The following CDC42BPB variants were observed in gnomAD, a reference collection of about 807,000 sequenced individuals.
CDC42BPB encodes the protein serine/threonine-protein kinase MRCK beta.
Under a neutral mutation model 214.9 loss-of-function variants are expected in CDC42BPB, and 37 were observed. The observed-to-expected ratio is 0.17, with a 90% CI of 0.13 to 0.23. The LOEUF (loss-of-function observed/expected upper bound fraction) is 0.23. CDC42BPB is among the 10% of genes least tolerant of loss of function. The probability of loss-of-function intolerance (pLI) is 1.00; values close to 1 mark genes in which losing one functional copy is unlikely to be tolerated. For synonymous variants in CDC42BPB, 931 were observed against 884.0 expected, an observed-to-expected ratio of 1.05 and a Z score of -0.94; for missense variants, 1,694 against 2,227.0, an observed-to-expected ratio of 0.76 and a Z score of 4.82.
In CDC42BPB at chr14:103,004,558, C is replaced by T. The variant is rs1895143573; in HGVS notation, c.352-535G>A. On this transcript the variant is annotated intron_variant, in intron 3 of 36. Coordinates refer to ENST00000361246, the MANE Select transcript of CDC42BPB (RefSeq NM_006035.4). This position sits in a 1 kb window ranked among gnomAD's most constrained non-coding sequence, Gnocchi z 5.3. The stretch of plus-strand genomic sequence containing the variant: ...GCAGCACAGGGCAAGAGGCTGCCCT[C>T]TACCCTGCTACGTCTTCCAAAAGAG... Among the ~76,000 whole-genome samples the T allele has an allele frequency of 6.6e-6, 1 of 152,228 alleles. No individual in the cohort carries two copies. The highest frequency in any genetic ancestry group is 2.4e-5 in the African/African-American group (1 of 41,464).
chr14:103,002,513 C>T (rs1445404564), intron 4 of CDC42BPB, among the ~76,000 whole-genome samples: 2 of 152,312 alleles, frequency 1.3e-5, no homozygotes, highest in African/African-American at 2.4e-5. Context: ...ATCCCAGTTG[C>T]CTGTACTCCC....
chr14:102,994,215 C>T (rs1595119693), intron 5 of CDC42BPB, among the ~76,000 whole-genome samples: 1 of 152,218 alleles, frequency 6.6e-6, no homozygotes, highest in African/African-American at 2.4e-5. Flanking sequence ...CCAGGGGCCA[C>T]CCCAGGACCA....
In CDC42BPB at chr14:102,939,866, A is replaced by C; in HGVS notation, c.4673T>G (p.Phe1558Cys). ...CAGTCTCTCTTCCTCTGGGACCTTG[A>C]AGACGAACCGCCTTTTGCTCCTGGT... ...LRTRSKRRFVFKVPEEERLQQ... is the reference protein window; with the variant it reads ...LRTRSKRRFVCKVPEEERLQQ... Residue 1558 changes from phenylalanine to cysteine, a missense_variant, in exon 33 of 37, where the codon TTC (phenylalanine) becomes TGC (cysteine). Transcript: ENST00000361246. 6.2e-7 allele frequency: 1 copy of C among 1,614,008 alleles called. No homozygotes were observed. The highest frequency in any genetic ancestry group is 1.7e-5 in the Admixed American group (1 of 60,020).
rs1390941966 is a variant in CDC42BPB, at chr14:103,004,740, G to A, written c.352-717C>T. 6.6e-6 allele frequency among the ~76,000 whole-genome samples: 1 copy of A among 152,112 alleles called. No individual in the cohort carries two copies. Among genetic ancestry groups the A allele is most frequent in the Non-Finnish European group, 1.5e-5 (1 of 68,012 alleles). On this transcript the variant is annotated intron_variant, in intron 3 of 36. Transcript: ENST00000361246. This position sits in a 1 kb window ranked among gnomAD's most constrained non-coding sequence, Gnocchi z 5.3. ...AAAAACTAGCCAGGTGTGGTGGCAG[G>A]TGCCTGTAATCCCAGCTACATGGGA... is the stretch of plus-strand genomic sequence containing the variant.
intron 3 of CDC42BPB, among the ~76,000 whole-genome samples, chr14:103,005,549 G>T (rs1049041088): frequency 6.6e-6 from 1 of 151,614 alleles, no homozygotes. Context: ...CTCTACAAAA[G>T]AATCTTAAAA....
At chr14:102,950,004 C>T (rs538432783) in intron 25 of CDC42BPB, 100 bp from the exon 26 acceptor site, 16 of 1,555,498 alleles carry the variant, frequency 1.0e-5, no homozygotes, top group South Asian at 3.6e-5. Flanking sequence ...GCCAGGCTGG[C>T]GGCAGAGCTG....
intron 1 of CDC42BPB, among the ~76,000 whole-genome samples, chr14:103,039,428 C>T (rs1181653077): frequency 2.0e-5 from 3 of 151,900 alleles, no homozygotes; most frequent in Non-Finnish European, 4.4e-5. Flanking sequence ...AATTATATAC[C>T]ATGATCAAGT....
In CDC42BPB at chr14:102,946,555, G is replaced by A. The variant is rs1892187046; in HGVS notation, c.3661C>T (p.Leu1221=). The A allele has an allele frequency of 6.2e-7, 1 of 1,612,678 alleles. No individual in the cohort carries two copies. Among genetic ancestry groups the A allele is most frequent in the African/African-American group, 1.3e-5 (1 of 74,934 alleles). Reference sequence around the variant, plus strand: ...GGAACATGCACGACCTGATTCCTCAGCCGGTTTTTATGAAGGATGGACTGG... The same window carrying A: ...GGAACATGCACGACCTGATTCCTCAACCGGTTTTTATGAAGGATGGACTGG... ...GLQSILHKNR[L]RNQVVHVPLE... Residue 1221 remains leucine, a synonymous_variant, in exon 28 of 37, where the codon CTG becomes TTG. Transcript: ENST00000361246.
rs906260367 is a variant in CDC42BPB, at chr14:103,004,632, G to A, written c.352-609C>T. Among the ~76,000 whole-genome samples the A allele has an allele frequency of 2.6e-5, 4 of 152,132 alleles. No individual in the cohort carries two copies. The highest frequency in any genetic ancestry group is 1.3e-4 in the Admixed American group (2 of 15,272). ...CGTTTAAAAGTCACCAGGCCTGGCC[G>A]AGCACGGTGGCTCACACCTGAGGTC... On this transcript the variant is annotated intron_variant, in intron 3 of 36. Transcript: ENST00000361246. The surrounding 1 kb of genome is among the most constrained non-coding windows in gnomAD (Gnocchi z 5.3).
rs1318394650 is a variant in CDC42BPB, at chr14:103,033,588, AT to A, written c.176-21401del. ...TTAAACTTTGAAATTTGAATAGGAAATATTACCAATTACTATCACTTTTATT... is the reference window on the plus strand; with the variant it reads ...TTAAACTTTGAAATTTGAATAGGAAAATTACCAATTACTATCACTTTTATT... On this transcript the variant is annotated intron_variant, in intron 1 of 36. Transcript: ENST00000361246. 2.0e-5 allele frequency among the ~76,000 whole-genome samples: 3 copies of A among 152,186 alleles called. No homozygotes were observed. The East Asian group carries it at 5.8e-4, about 29-fold the overall frequency.
chr14:102,966,907 G>A lies in CDC42BPB; in HGVS notation c.2471+139C>T, dbSNP rs1595475170. 4 of 961,908 alleles carry A rather than the reference G, an allele frequency of 4.2e-6. No individual in the cohort carries two copies. The South Asian group carries it at 5.2e-5, about 12-fold the overall frequency. 59.6% of individuals were successfully genotyped at this position (961,908 alleles called of 1,614,324 possible). On this transcript the variant is annotated intron_variant, in intron 17 of 36. Coordinates refer to ENST00000361246, the MANE Select transcript of CDC42BPB (RefSeq NM_006035.4). ...CTGCCCCAGACATGAGAAGTTCTGG[G>A]GAACAGCAGTGAGACCTGCACCCCA...
chr14:103,014,293 T>C (rs977362601), intron 1 of CDC42BPB, among the ~76,000 whole-genome samples: 2 of 152,076 alleles, frequency 1.3e-5, no homozygotes, highest in African/African-American at 4.8e-5. Flanking sequence ...GTGCCCGCCA[T>C]GTATCCTGCC....
chr14:102,974,335 G>A lies in CDC42BPB; in HGVS notation c.1508-186C>T, dbSNP rs139768355. The stretch of plus-strand genomic sequence containing the variant: ...ACACACACACAGTGTCATAGGCACA[G>A]CTACCTGCATGCCTGTGCTGAACAG... On this transcript the variant is annotated intron_variant, in intron 11 of 36. Transcript: ENST00000361246. The A allele has an allele frequency of 8.7e-3, 8,530 of 980,296 alleles. 39 individuals are homozygous for A. The highest frequency in any genetic ancestry group is 9.8e-3 in the Non-Finnish European group (8,125 of 829,282). The allele number at this position is 980,296 out of a possible 1,614,324, so 60.7% of individuals were successfully genotyped here. A position where few individuals can be genotyped will look rare whatever the true frequency, so the allele number is the denominator to read the frequency against.
chr14:102,962,754 G>C (rs1893017990), intron 20 of CDC42BPB, among the ~76,000 whole-genome samples: 1 of 152,216 alleles, frequency 6.6e-6, no homozygotes, highest in African/African-American at 2.4e-5. Flanking sequence ...TTGCGAGGCT[G>C]AGGCGGGAGA....
At position 102,988,893 on chromosome 14, in the gene CDC42BPB, A is replaced by C. The variant is rs373924686; in HGVS notation, c.597-2313T>G. ...TTCCAAAAAAAAAAAAAAAACAAAC[A>C]AACCAACACGTGGGTTTTCTTTTTC... On this transcript the variant is annotated intron_variant, in intron 5 of 36. Transcript: ENST00000361246. Among the ~76,000 whole-genome samples, 253 of 151,618 alleles carry C rather than the reference A, an allele frequency of 1.7e-3. 1 individual carries two copies. The highest frequency in any genetic ancestry group is 2.3e-3 in the African/African-American group (94 of 41,408).
chr14:103,008,381 G>A (rs1263051656), intron 3 of CDC42BPB, 91 bp downstream of exon 3: 1 of 838,136 alleles, frequency 1.2e-6, no homozygotes, highest in African/African-American at 1.7e-5. Flanking sequence ...CAGGGCTGTG[G>A]GGTGGCTGCA....
intron 3 of CDC42BPB, among the ~76,000 whole-genome samples, chr14:103,006,844 C>G (rs1437031884): frequency 6.6e-6 from 1 of 152,176 alleles, no homozygotes; most frequent in Non-Finnish European, 1.5e-5. Context: ...CAAATTAAAT[C>G]AGCAATATTT....
intron 1 of CDC42BPB, among the ~76,000 whole-genome samples, chr14:103,038,089 C>A (rs1887770456): frequency 6.6e-6 from 1 of 151,552 alleles, no homozygotes; most frequent in South Asian, 2.1e-4. Context: ...GTAATCCCAG[C>A]ACTTTGGGAG....
At position 102,972,004 on chromosome 14, in the gene CDC42BPB, T is replaced by C. The variant is rs1011557884; in HGVS notation, c.1799A>G (p.Asp600Gly). Reference sequence around the variant, plus strand: ...GGCCACCTCCATCTCCTCCTCCTTGTCTCGCAGCTGCCGGGACACCTTCTG... The same window carrying C: ...GGCCACCTCCATCTCCTCCTCCTTGCCTCGCAGCTGCCGGGACACCTTCTG... ...QKQKVSRQLR[D>G]KEEEMEVATQ... Residue 600 changes from aspartate to glycine, a missense_variant, in exon 13 of 37, where the codon GAC (aspartate) becomes GGC (glycine). By Grantham distance (94) the Asp-to-Gly change is moderately conservative. Transcript: ENST00000361246. 6.2e-7 allele frequency: 1 copy of C among 1,614,246 alleles called. No homozygotes were observed. Among genetic ancestry groups the C allele is most frequent in the South Asian group, 1.1e-5 (1 of 91,090 alleles).
Sources: allele counts gnomAD v4.1 joint callset (sites outside exome capture counted in the v4.1 genomes callset), GRCh38; gene constraint gnomAD v4.1.1; non-coding constraint Gnocchi (gnomAD v3.1); transcripts MANE v1.5; gene names NCBI Gene and HGNC (gene_info 2026-07-23, HGNC 2026-07-21).